DOCK1: variants seen among roughly 807,000 people sequenced by gnomAD.
DOCK1 encodes the protein dedicator of cytokinesis 1.
In DOCK1, 138 loss-of-function variants were observed where a neutral mutation model predicts 262.7. The observed-to-expected ratio is 0.53, with a 90% CI of 0.46 to 0.61. The LOEUF (loss-of-function observed/expected upper bound fraction) is 0.61, where lower values mean the gene tolerates loss of function less well. DOCK1 is among the 20% of genes least tolerant of loss of function. The pLI, the probability that DOCK1 is intolerant of heterozygous loss-of-function variation, is 0.00. For synonymous variants in DOCK1, 866 were observed against 867.4 expected, an observed-to-expected ratio of 1.00 and a Z score of 0.03; for missense variants, 1,908 against 2,370.7, an observed-to-expected ratio of 0.80 and a Z score of 4.05.
At chr10:127,050,419 AT>A (rs2044642665) in intron 21 of DOCK1, among the ~76,000 whole-genome samples, 1 of 151,860 alleles carries the variant, frequency 6.6e-6, no homozygotes, top group Non-Finnish European at 1.5e-5. Context: ...CCTCTAAAAA[AT>A]TTTTATGCCC....
At chr10:126,906,571 C>T (rs1425306467) in intron 1 of DOCK1, among the ~76,000 whole-genome samples, 1 of 152,144 alleles carries the variant, frequency 6.6e-6, no homozygotes, top group Non-Finnish European at 1.5e-5. Flanking sequence ...CCACTCGACC[C>T]GACTGGGAAG....
intron 22 of DOCK1, among the ~76,000 whole-genome samples, chr10:127,053,173 A>G (rs919086724): frequency 6.6e-6 from 1 of 152,064 alleles, no homozygotes; most frequent in Non-Finnish European, 1.5e-5. Flanking sequence ...AAAGTCCCAA[A>G]AGAAAAACAA....
chr10:126,932,118 A>G (rs1168239569), intron 1 of DOCK1, among the ~76,000 whole-genome samples: 9 of 152,216 alleles, frequency 5.9e-5, no homozygotes, highest in Non-Finnish European at 1.2e-4. Flanking sequence ...CTCCAGAATC[A>G]GTATTCAGAG....
At chr10:127,326,171 G>T (rs1346361214) in intron 29 of DOCK1, among the ~76,000 whole-genome samples, 1 of 152,180 alleles carries the variant, frequency 6.6e-6, no homozygotes, top group African/African-American at 2.4e-5. Flanking sequence ...GGCTGAGGTG[G>T]CTATGACAGT....
At chr10:127,143,377 T>A in intron 27 of DOCK1, among the ~76,000 whole-genome samples, 1 of 152,046 alleles carries the variant, frequency 6.6e-6, no homozygotes, top group East Asian at 1.9e-4. Flanking sequence ...GATCTCAGAG[T>A]CTTCCCCAGT....
intron 33 of DOCK1, among the ~76,000 whole-genome samples, chr10:127,365,073 A>G (rs1200442394): frequency 6.6e-6 from 1 of 152,112 alleles, no homozygotes; most frequent in African/African-American, 2.4e-5. Flanking sequence ...TTTCTGTTTG[A>G]TAATATATCA....
intron 1 of DOCK1, among the ~76,000 whole-genome samples, chr10:126,912,727 GAAA>G (rs66679297): frequency 1.3e-4 from 17 of 126,118 alleles, no homozygotes; most frequent in Non-Finnish European, 1.5e-4. Flanking sequence ...CTCCATCTCG[GAAA>G]AAAAAAAAAA....
chr10:127,266,977 G>T (rs1452148210), intron 29 of DOCK1, among the ~76,000 whole-genome samples: 2 of 152,184 alleles, frequency 1.3e-5, no homozygotes, highest in African/African-American at 4.8e-5. Flanking sequence ...AAACACATGA[G>T]ACTTTTCTGG....
Position 127,247,984 on chromosome 10 carries a change from TTCTA to T in DOCK1, c.2848-20_2848-17del. On this transcript the variant is annotated intron_variant, in intron 27 of 51. Coordinates refer to ENST00000623213, the MANE Select transcript of DOCK1 (RefSeq NM_001290223.2). ...ATGAGTGTTGCTCTGTCTCATCTAATTCTATCTTTTGATTCATTTACAGGGAAAC... is the reference window on the plus strand; with the variant it reads ...ATGAGTGTTGCTCTGTCTCATCTAATTCTTTTGATTCATTTACAGGGAAAC... 1 of 1,608,978 alleles carries T rather than the reference TTCTA, an allele frequency of 6.2e-7. No individual in the cohort carries two copies. The highest frequency in any genetic ancestry group is 8.5e-7 in the Non-Finnish European group (1 of 1,175,886).
At chr10:127,007,168 C>T (rs996539775) in intron 10 of DOCK1, among the ~76,000 whole-genome samples, 12 of 152,034 alleles carry the variant, frequency 7.9e-5, no homozygotes, top group African/African-American at 1.9e-4. Context: ...CAAACACAGC[C>T]GTGGGCTCCT....
Position 127,433,418 on chromosome 10 carries a change from G to A in DOCK1, c.5050G>A (p.Gly1684Ser). ...ATCGGACAGCACCCCTTCCAGACCAGGCTCCGACGGGTGAGTCAAGCTCAC... is the reference window on the plus strand; with the variant it reads ...ATCGGACAGCACCCCTTCCAGACCAAGCTCCGACGGGTGAGTCAAGCTCAC... ...LSSDSTPSRP[G>S]SDGFALEPLL... The change falls in exon 48 of 52, where the codon GGC (glycine) becomes AGC (serine). Residue 1684 changes from glycine to serine, a missense_variant. Gly to Ser is a moderately conservative substitution (Grantham distance 56, BLOSUM62 0). Around this residue, in one of 9 missense-constraint regions of DOCK1, gnomAD observed 383 missense variants for 420.1 expected, o/e 0.91. Transcript: ENST00000623213. The A allele has an allele frequency of 1.2e-6, 2 of 1,613,934 alleles. No individual in the cohort carries two copies. The highest frequency in any genetic ancestry group is 1.7e-6 in the Non-Finnish European group (2 of 1,179,882).
chr10:127,451,096 G>A (rs1176457612), intron 51 of DOCK1, among the ~76,000 whole-genome samples: 4 of 152,112 alleles, frequency 2.6e-5, no homozygotes, highest in African/African-American at 9.7e-5. Context: ...ACCTCTCAGG[G>A]GCTGTGCAGA....
At chr10:127,275,967 C>G (rs1281558937) in intron 29 of DOCK1, among the ~76,000 whole-genome samples, 4 of 152,240 alleles carry the variant, frequency 2.6e-5, no homozygotes, top group Admixed American at 1.3e-4. Context: ...CGTTGGAGAT[C>G]CCTGCGGCTC....
intron 5 of DOCK1, chr10:126,988,214 A>G (rs1395077642): frequency 1.3e-5 from 2 of 152,150 alleles, no homozygotes; most frequent in Non-Finnish European, 2.9e-5. Context: ...TCCATTTCGT[A>G]TTCCCTCGGG....
At chr10:127,269,207 GGTGCTTT>G (rs1210917871) in intron 29 of DOCK1, among the ~76,000 whole-genome samples, 1 of 152,140 alleles carries the variant, frequency 6.6e-6, no homozygotes, top group Admixed American at 6.5e-5. Flanking sequence ...GCGCATGTGG[GGTGCTTT>G]GTTCAGAGCC....
intron 22 of DOCK1, among the ~76,000 whole-genome samples, chr10:127,058,230 C>T (rs555849944): frequency 2.2e-4 from 33 of 152,186 alleles, no homozygotes; most frequent in African/African-American, 7.5e-4. Context: ...ATTCATTAAT[C>T]ATGCCTTATA....
At chr10:127,029,530 C>T (rs1443915714) in intron 16 of DOCK1, among the ~76,000 whole-genome samples, 1 of 152,198 alleles carries the variant, frequency 6.6e-6, no homozygotes, top group Non-Finnish European at 1.5e-5. Context: ...GCTCTCAGGC[C>T]CAGCTGGCCA....
intron 23 of DOCK1, among the ~76,000 whole-genome samples, chr10:127,076,220 G>A (rs1392380367): frequency 6.6e-6 from 1 of 152,186 alleles, no homozygotes; most frequent in African/African-American, 2.4e-5. Flanking sequence ...AGAAAATATC[G>A]GCCAGGCACG....
chr10:126,951,050 ATGG>A (rs2036175217), intron 1 of DOCK1, among the ~76,000 whole-genome samples: 1 of 150,752 alleles, frequency 6.6e-6, no homozygotes, highest in Non-Finnish European at 1.5e-5. Flanking sequence ...AGTATTGGTG[ATGG>A]TGGTGGTAGT....
Sources: gnomAD v4.1 joint callset for allele counts (sites outside exome capture counted in the v4.1 genomes callset) on GRCh38, gnomAD v4.1.1 for gene constraint, gnomAD v4.1.1 regional missense constraint, MANE v1.5 for transcripts, NCBI Gene and HGNC (gene_info 2026-07-23, HGNC 2026-07-21) for gene names.